The following ZSWIM6 variants were observed in gnomAD, a reference collection of about 807,000 sequenced individuals.
ZSWIM6 encodes the protein zinc finger SWIM-type containing 6.
ZSWIM6 carries 9 observed loss-of-function variants against 113.2 expected under a neutral mutation model. The observed-to-expected ratio is 0.08, with a 90% confidence interval of 0.05 to 0.14. The LOEUF (loss-of-function observed/expected upper bound fraction) is 0.14. Among genes scored for constraint, ZSWIM6 ranks in the 10% least tolerant of loss-of-function variants. The pLI is 1.00. For missense variants in ZSWIM6, 1,162 were observed against 1,552.2 expected (o/e 0.75, Z 4.22); for synonymous variants, 611 against 606.5 (o/e 1.01, Z -0.11).
chr5:61,494,895 T>C (rs1204612472), intron 4 of ZSWIM6, among the ~76,000 whole-genome samples: 3 of 152,124 alleles, frequency 2.0e-5, no homozygotes, highest in African/African-American at 7.2e-5. Context: ...CAAATTCTAA[T>C]ATTTATTGCT....
chr5:61,365,115 A>G (rs13170135), intron 1 of ZSWIM6, among the ~76,000 whole-genome samples: 89,366 of 151,904 alleles, frequency 0.59, 28,917 homozygotes, highest in African/African-American at 0.86. Context: ...GGGAGGGGAG[A>G]TCGAGGCTGG....
intron 2 of ZSWIM6, among the ~76,000 whole-genome samples, chr5:61,482,936 T>A (rs1032027060): frequency 1.3e-5 from 2 of 152,042 alleles, no homozygotes; most frequent in African/African-American, 4.8e-5. Flanking sequence ...CATTTCCCTC[T>A]TGCCCAGTAC....
At chr5:61,380,895 G>C (rs1256949398) in intron 1 of ZSWIM6, among the ~76,000 whole-genome samples, 1 of 151,282 alleles carries the variant, frequency 6.6e-6, no homozygotes, top group South Asian at 2.1e-4. Flanking sequence ...GAACCCAGGA[G>C]TTAAGAAAGC....
At chr5:61,341,447 T>C (rs1405141568) in intron 1 of ZSWIM6, among the ~76,000 whole-genome samples, 1 of 152,230 alleles carries the variant, frequency 6.6e-6, no homozygotes, top group Non-Finnish European at 1.5e-5. Context: ...TTGGTGATGT[T>C]TTTGTGACCA....
chr5:61,457,700 T>G (rs1561245425), intron 1 of ZSWIM6, among the ~76,000 whole-genome samples: 1 of 152,038 alleles, frequency 6.6e-6, no homozygotes, highest in Non-Finnish European at 1.5e-5. Context: ...TTTTTGTATT[T>G]TTAGTAGAGA....
intron 4 of ZSWIM6, among the ~76,000 whole-genome samples, chr5:61,499,534 G>A (rs1376895715): frequency 6.6e-5 from 10 of 152,136 alleles, no homozygotes; most frequent in Non-Finnish European, 1.5e-5. Context: ...CTTTGATAGA[G>A]TAATTTCATT....
chr5:61,466,170 T>C (rs1490047755), intron 1 of ZSWIM6, among the ~76,000 whole-genome samples: 1 of 152,192 alleles, frequency 6.6e-6, no homozygotes, highest in African/African-American at 2.4e-5. Context: ...GGTGTTAGAT[T>C]ATGTGCAATA....
intron 1 of ZSWIM6, among the ~76,000 whole-genome samples, chr5:61,395,834 A>G (rs905428216): frequency 2.6e-5 from 4 of 152,196 alleles, no homozygotes; most frequent in Non-Finnish European, 4.4e-5. Flanking sequence ...ATTTAGATGT[A>G]GTAAAGAAAA....
At chr5:61,339,262 C>T (rs1185142585) in intron 1 of ZSWIM6, among the ~76,000 whole-genome samples, 3 of 152,086 alleles carry the variant, frequency 2.0e-5, no homozygotes, top group Admixed American at 6.6e-5. Context: ...AAAAATTAGC[C>T]GGGCGTAGTG....
chr5:61,390,602 G>T lies in ZSWIM6; in HGVS notation c.676+57654G>T, dbSNP rs1745686765. On this transcript the variant is annotated intron_variant, in intron 1 of 13. Coordinates refer to ENST00000252744, the MANE Select transcript of ZSWIM6 (RefSeq NM_020928.2). The stretch of plus-strand genomic sequence containing the variant: ...TTGTCAGAATGCTATCTCAAAAATG[G>T]TATTTTTTTTTTCCAGTGGAAAATA... 9.1e-6 allele frequency: 6 copies of T among 658,166 alleles called. 1 individual carries two copies. The highest frequency in any genetic ancestry group is 8.9e-4 in the Middle Eastern group (2 of 2,236). The allele number at this position is 658,166 out of a possible 1,614,324, so 40.8% of individuals were successfully genotyped here.
At chr5:61,428,030 C>T (rs573200812) in intron 1 of ZSWIM6, among the ~76,000 whole-genome samples, 2 of 151,866 alleles carry the variant, frequency 1.3e-5, no homozygotes, top group Non-Finnish European at 2.9e-5. Context: ...TTAATTTCTG[C>T]TTACTTTGAA....
intron 4 of ZSWIM6, among the ~76,000 whole-genome samples, chr5:61,504,839 T>A (rs1748557638): frequency 6.6e-6 from 1 of 152,270 alleles, no homozygotes; most frequent in Middle Eastern, 3.4e-3. Flanking sequence ...TTAACAAGAA[T>A]CTGCTGTTTA....
Position 61,391,905 on chromosome 5 carries a change from T to A in ZSWIM6, c.676+58957T>A, listed in dbSNP as rs1745725383. On this transcript the variant is annotated intron_variant, in intron 1 of 13. Coordinates refer to ENST00000252744, the MANE Select transcript of ZSWIM6 (RefSeq NM_020928.2). ...CAAATCCTGCCGGTAGAGCAAAAAA[T>A]GGTATTTTCAAAACTTTTTGAGCCA... The A allele has an allele frequency of 5.1e-6, 3 of 582,884 alleles. No individual in the cohort carries two copies. The African/African-American group carries it at 5.7e-5, about 11-fold the overall frequency. The allele number at this position is 582,884 out of a possible 1,614,324, so 36.1% of individuals were successfully genotyped here.
At chr5:61,493,251 A>G (rs759245827) in intron 3 of ZSWIM6, among the ~76,000 whole-genome samples, 5 of 152,114 alleles carry the variant, frequency 3.3e-5, no homozygotes, top group East Asian at 1.9e-4. Context: ...TTACCATTGC[A>G]AAAACAACCC....
chr5:61,431,900 T>G (rs1232988454), intron 1 of ZSWIM6, among the ~76,000 whole-genome samples: 1 of 152,202 alleles, frequency 6.6e-6, no homozygotes, highest in Non-Finnish European at 1.5e-5. Context: ...CGGGTTTTCT[T>G]TTTTCTGTTT....
intron 4 of ZSWIM6, among the ~76,000 whole-genome samples, chr5:61,513,683 T>A (rs1385093651): frequency 6.6e-6 from 1 of 152,138 alleles, no homozygotes; most frequent in East Asian, 1.9e-4. Context: ...TTCATTTTTT[T>A]ACATGAATAT....
At chr5:61,510,489 G>A (rs1580052319) in intron 4 of ZSWIM6, among the ~76,000 whole-genome samples, 1 of 147,802 alleles carries the variant, frequency 6.8e-6, no homozygotes, top group East Asian at 2.0e-4. Context: ...CATTTACTTT[G>A]TGTGACGAAT....
intron 1 of ZSWIM6, among the ~76,000 whole-genome samples, chr5:61,444,307 A>C (rs1245758380): frequency 2.0e-5 from 3 of 151,992 alleles, no homozygotes; most frequent in Non-Finnish European, 4.4e-5. Context: ...ATAGTATTCC[A>C]TGGTGTATAT....
At chr5:61,449,514 G>A (rs544934738) in intron 1 of ZSWIM6, among the ~76,000 whole-genome samples, 3 of 152,240 alleles carry the variant, frequency 2.0e-5, no homozygotes, top group African/African-American at 7.2e-5. Context: ...GCAGATGCAC[G>A]CTATTGTACC....
Sources: allele counts gnomAD v4.1 joint callset (sites outside exome capture counted in the v4.1 genomes callset), GRCh38; gene constraint gnomAD v4.1.1; transcripts MANE v1.5; gene names NCBI Gene and HGNC (gene_info 2026-07-23, HGNC 2026-07-21).